Variants in LDAH observed in about 807,000 individuals in gnomAD.
LDAH encodes lipid droplet-associated hydrolase.
In LDAH, 26 loss-of-function variants were observed where a neutral mutation model predicts 29.6. The observed-to-expected ratio is 0.88, with a 90% CI of 0.64 to 1.22. The LOEUF (loss-of-function observed/expected upper bound fraction) is 1.22. Ranked by LOEUF, LDAH falls within the 50% of genes most tolerant of loss-of-function variation. The pLI is 0.00. For missense variants in LDAH, 344 were observed against 387.3 expected (o/e 0.89, Z 0.94); for synonymous variants, 117 against 133.0 (o/e 0.88, Z 0.83).
intron 4 of LDAH, among the ~76,000 whole-genome samples, chr2:20,741,295 T>C (rs1667158651): frequency 1.3e-5 from 2 of 152,292 alleles, no homozygotes; most frequent in South Asian, 4.1e-4. Flanking sequence ...TGTTATTTCT[T>C]TCAGGGACTG....
intron 1 of LDAH, among the ~76,000 whole-genome samples, chr2:20,810,280 T>C (rs1672378682): frequency 6.6e-6 from 1 of 152,216 alleles, no homozygotes; most frequent in African/African-American, 2.4e-5. Context: ...GCCTTCTCCA[T>C]TTGGCCTGCC....
Position 20,685,603 on chromosome 2 carries a change from A to C in LDAH, c.*1300T>G. ...TTTCATCAGGGGGCTTTAGGATTTG[A>C]GCGGAGGGACATCTCATTGTCCTTA... On this transcript the variant is annotated 3_prime_UTR_variant, in exon 7 of 7. Coordinates refer to ENST00000237822, the MANE Select transcript of LDAH (RefSeq NM_021925.4). 1.3e-6 allele frequency: 2 copies of C among 1,550,500 alleles called. No homozygotes were observed. The highest frequency in any genetic ancestry group is 8.7e-7 in the Non-Finnish European group (1 of 1,146,972).
chr2:20,735,593 G>A (rs923387801), intron 5 of LDAH, among the ~76,000 whole-genome samples: 3 of 151,378 alleles, frequency 2.0e-5, no homozygotes, highest in Non-Finnish European at 4.4e-5. Context: ...TCATTTTGGT[G>A]TTGGCATTGA....
chr2:20,685,694 C>T lies in LDAH; in HGVS notation c.*1209G>A. 1 of 1,541,484 alleles carries T rather than the reference C, an allele frequency of 6.5e-7. No individual in the cohort carries two copies. Among genetic ancestry groups the T allele is most frequent in the East Asian group, 2.4e-5 (1 of 40,826 alleles). On this transcript the variant is annotated 3_prime_UTR_variant, in exon 7 of 7. Coordinates refer to ENST00000237822, the MANE Select transcript of LDAH (RefSeq NM_021925.4). ...AGGAATATTTCTGATCCATGATCAACTGTCACTGCAGTATGTGGTTCTCAA... is the reference window on the plus strand; with the variant it reads ...AGGAATATTTCTGATCCATGATCAATTGTCACTGCAGTATGTGGTTCTCAA...
chr2:20,701,690 T>C, intron 5 of LDAH, 38 bp from the exon 6 acceptor site: 1 of 1,532,920 alleles, frequency 6.5e-7, no homozygotes. Flanking sequence ...ATTTAGAATA[T>C]ATAGAACAAA....
At chr2:20,790,982 T>C (rs528053713) in intron 2 of LDAH, among the ~76,000 whole-genome samples, 2 of 152,330 alleles carry the variant, frequency 1.3e-5, no homozygotes, top group South Asian at 4.1e-4. Flanking sequence ...TTTCATCTTG[T>C]AATCATCATC....
intron 6 of LDAH, among the ~76,000 whole-genome samples, chr2:20,691,507 A>G (rs1032463888): frequency 6.6e-6 from 1 of 152,154 alleles, no homozygotes; most frequent in African/African-American, 2.4e-5. Flanking sequence ...AAGCCTTCTC[A>G]CAGTCTATGT....
intron 1 of LDAH, among the ~76,000 whole-genome samples, chr2:20,813,958 T>C (rs1672672328): frequency 6.6e-6 from 1 of 152,172 alleles, no homozygotes; most frequent in Non-Finnish European, 1.5e-5. Context: ...AGATACTAAC[T>C]CTTTTCTGGG....
At chr2:20,789,452 C>T (rs1280167776) in intron 3 of LDAH, 2 of 1,425,164 alleles carry the variant, frequency 1.4e-6, no homozygotes, top group African/African-American at 1.4e-5. Context: ...TTAAAAGCTA[C>T]TTAGTCTATG....
chr2:20,804,667 C>A (rs1256830867), intron 1 of LDAH, among the ~76,000 whole-genome samples: 2 of 151,994 alleles, frequency 1.3e-5, no homozygotes, highest in Non-Finnish European at 2.9e-5. Flanking sequence ...TTGCCTCTTT[C>A]ATTCTCTTTG....
At chr2:20,798,566 T>TTAATA (rs754088907) in intron 2 of LDAH, among the ~76,000 whole-genome samples, 5,657 of 148,264 alleles carry the variant, frequency 0.038, 149 homozygotes, top group African/African-American at 0.055. Flanking sequence ...TATAATATAA[T>TTAATA]TAATATAATA....
At chr2:20,707,833 G>C (rs994236996) in intron 5 of LDAH, among the ~76,000 whole-genome samples, 3 of 152,208 alleles carry the variant, frequency 2.0e-5, no homozygotes, top group Non-Finnish European at 4.4e-5. Context: ...AGCAAGTGAA[G>C]CTTTATCTGT....
At chr2:20,711,852 T>C (rs1311274706) in intron 5 of LDAH, among the ~76,000 whole-genome samples, 1 of 152,196 alleles carries the variant, frequency 6.6e-6, no homozygotes, top group African/African-American at 2.4e-5. Flanking sequence ...CCACCATTGC[T>C]GAGTCTTGAG....
chr2:20,774,718 TGAACAAGAGACAAAA>T, intron 4 of LDAH, 77 bp downstream of exon 4: 1 of 1,285,026 alleles, frequency 7.8e-7, no homozygotes, highest in Non-Finnish European at 1.1e-6. Context: ...ATTTATCAAC[TGAACAAGAGACAAAA>T]GAACATAGGA....
chr2:20,777,567 C>T (rs1180690727), intron 3 of LDAH, among the ~76,000 whole-genome samples: 3 of 151,902 alleles, frequency 2.0e-5, no homozygotes, highest in Non-Finnish European at 4.4e-5. Context: ...TACAGGCGTG[C>T]ACCACCAGGC....
intron 3 of LDAH, among the ~76,000 whole-genome samples, chr2:20,782,352 G>A (rs533552967): frequency 3.3e-5 from 5 of 152,252 alleles, no homozygotes; most frequent in African/African-American, 9.6e-5. Context: ...TCAAATGTTC[G>A]CTTCTGTCTA....
chr2:20,704,085 C>G (rs1042898663), intron 5 of LDAH, among the ~76,000 whole-genome samples: 2 of 152,170 alleles, frequency 1.3e-5, no homozygotes, highest in African/African-American at 4.8e-5. Flanking sequence ...CAGAGAAGAA[C>G]TTGAATGAAA....
chr2:20,712,324 G>A (rs1168058410), intron 5 of LDAH, among the ~76,000 whole-genome samples: 2 of 152,192 alleles, frequency 1.3e-5, no homozygotes, highest in Non-Finnish European at 2.9e-5. Context: ...CTAACAAACA[G>A]AAAGGAATAG....
At chr2:20,733,213 A>C (rs1666531246) in intron 5 of LDAH, among the ~76,000 whole-genome samples, 1 of 151,704 alleles carries the variant, frequency 6.6e-6, no homozygotes, top group South Asian at 2.1e-4. Flanking sequence ...ATTTTGATTC[A>C]GTTTTATTAT....
Sources: gnomAD v4.1 joint callset for allele counts (sites outside exome capture counted in the v4.1 genomes callset) on GRCh38, gnomAD v4.1.1 for gene constraint, MANE v1.5 for transcripts, NCBI Gene and HGNC (gene_info 2026-07-23, HGNC 2026-07-21) for gene names.